TMEM108: variants seen among roughly 807,000 people sequenced by gnomAD.
TMEM108 encodes cancer/testis antigen 124.
Under a neutral mutation model 35.1 loss-of-function variants are expected in TMEM108, and 12 were observed. That is an observed-to-expected ratio of 0.34 (90% CI 0.22 to 0.55). The LOEUF (loss-of-function observed/expected upper bound fraction) is 0.55. Among genes scored for constraint, TMEM108 ranks in the 20% least tolerant of loss-of-function variants. TMEM108 has a pLI of 0.89. For missense variants in TMEM108, 680 were observed against 753.3 expected, an observed-to-expected ratio of 0.90 and a Z score of 1.14; for synonymous variants, 287 against 308.6, an observed-to-expected ratio of 0.93 and a Z score of 0.73.
intron 2 of TMEM108, among the ~76,000 whole-genome samples, chr3:133,127,358 G>A (rs961714383): frequency 6.6e-6 from 1 of 152,218 alleles, no homozygotes; most frequent in Non-Finnish European, 1.5e-5. Flanking sequence ...GGACAGCACA[G>A]AAAGGACTGC....
In TMEM108 at chr3:133,203,133, C is replaced by T. The variant is rs544156899; in HGVS notation, c.-46-26133C>T. The stretch of plus-strand genomic sequence containing the variant: ...TATAGGAATGCTTGTGATTTTTGCA[C>T]GTTGATTTTGTATCCTGAGACTTTG... On this transcript the variant is annotated intron_variant, in intron 2 of 5. Transcript: ENST00000321871. Among the ~76,000 whole-genome samples the T allele has an allele frequency of 3.3e-4, 50 of 152,226 alleles. No individual in the cohort carries two copies. The South Asian group carries it at 6.9e-3, about 21-fold the overall frequency.
intron 3 of TMEM108, among the ~76,000 whole-genome samples, chr3:133,342,992 G>A (rs1392122062): frequency 1.3e-5 from 2 of 151,712 alleles, no homozygotes; most frequent in East Asian, 3.9e-4. Flanking sequence ...ATTACACATT[G>A]TATACATGTA....
intron 2 of TMEM108, among the ~76,000 whole-genome samples, chr3:133,073,510 C>CTCTCTCTA: frequency 8.2e-4 from 36 of 43,904 alleles, no homozygotes; most frequent in African/African-American, 2.8e-3. Context: ...CTCTCTCTCT[C>CTCTCTCTA]TATATATATA....
At position 133,234,477 on chromosome 3, in the gene TMEM108, T is replaced by G. The variant is rs1303953334; in HGVS notation, c.40+5126T>G. On this transcript the variant is annotated intron_variant, in intron 3 of 5. Coordinates refer to ENST00000321871, the MANE Select transcript of TMEM108 (RefSeq NM_023943.4). ...ACATCAATAAATGTAATCCAGCATA[T>G]AAACAGAACCAAAGACAAAAACCAC... 5.3e-5 allele frequency among the ~76,000 whole-genome samples: 8 copies of G among 152,208 alleles called. No homozygotes were observed. The South Asian group carries it at 1.5e-3, about 28-fold the overall frequency.
intron 2 of TMEM108, among the ~76,000 whole-genome samples, chr3:133,149,126 A>G (rs1576345775): frequency 6.6e-6 from 1 of 152,324 alleles, no homozygotes; most frequent in East Asian, 1.9e-4. Flanking sequence ...AGAATGACCA[A>G]TAGGAGCTTA....
chr3:133,349,790 C>T (rs1197285), intron 3 of TMEM108, among the ~76,000 whole-genome samples: 24,637 of 151,856 alleles, frequency 0.16, 2,393 homozygotes, highest in East Asian at 0.38. Context: ...AAACAAGTGC[C>T]GGTGAGGATG....
At chr3:133,384,926 C>T (rs2073108595) in intron 4 of TMEM108, among the ~76,000 whole-genome samples, 2 of 152,164 alleles carry the variant, frequency 1.3e-5, no homozygotes, top group South Asian at 4.1e-4. Flanking sequence ...TCACCCTGGC[C>T]AAAGTGGAGT....
intron 2 of TMEM108, among the ~76,000 whole-genome samples, chr3:133,051,640 T>G (rs1943407458): frequency 6.6e-6 from 1 of 152,148 alleles, no homozygotes; most frequent in Non-Finnish European, 1.5e-5. Context: ...AGTTTTATAG[T>G]TTTGTCCTTT....
intron 3 of TMEM108, 107 bp from the exon 4 acceptor site, chr3:133,379,645 T>C (rs1202828322): frequency 3.6e-6 from 4 of 1,104,768 alleles, no homozygotes; most frequent in Non-Finnish European, 5.3e-6. Flanking sequence ...GGAATGCTCC[T>C]GACGTTTCCT....
chr3:133,167,394 C>T (rs999962589), intron 2 of TMEM108, among the ~76,000 whole-genome samples: 3 of 152,392 alleles, frequency 2.0e-5, no homozygotes, highest in African/African-American at 7.2e-5. Flanking sequence ...CCGCGCTGTG[C>T]GCCCGCACTC....
chr3:133,188,061 A>G (rs1476851394), intron 2 of TMEM108, among the ~76,000 whole-genome samples: 3 of 152,126 alleles, frequency 2.0e-5, no homozygotes, highest in African/African-American at 7.2e-5. Flanking sequence ...CTTGATTCTC[A>G]CACACCATTA....
In TMEM108 at chr3:133,175,657, G is replaced by T. The variant is rs1945207391; in HGVS notation, c.-46-53609G>T. Among the ~76,000 whole-genome samples, 6 of 152,280 alleles carry T rather than the reference G, an allele frequency of 3.9e-5. No individual in the cohort carries two copies. In the South Asian group the frequency reaches 1.2e-3, roughly 32 times the overall value. On this transcript the variant is annotated intron_variant, in intron 2 of 5. Transcript: ENST00000321871. ...TGTCACCACCAGGCCTGCCCTAAAA[G>T]AGCTCCTGAAGGAAGCACTAAACAT...
chr3:133,323,960 A>G (rs1376289423), intron 3 of TMEM108, among the ~76,000 whole-genome samples: 2 of 152,248 alleles, frequency 1.3e-5, no homozygotes, highest in Admixed American at 1.3e-4. Context: ...TGCTGGGATC[A>G]TTGGCAAGCC....
At chr3:133,166,524 A>G (rs1945040302) in intron 2 of TMEM108, among the ~76,000 whole-genome samples, 1 of 151,920 alleles carries the variant, frequency 6.6e-6, no homozygotes, top group Admixed American at 6.6e-5. Context: ...ACGTGTTCGG[A>G]GTTTCTTCCT....
chr3:133,069,563 T>A (rs539204237), intron 2 of TMEM108, among the ~76,000 whole-genome samples: 20 of 152,284 alleles, frequency 1.3e-4, no homozygotes, highest in Admixed American at 9.8e-4. Context: ...GTACAAGTCC[T>A]TTTATTTAAA....
chr3:133,192,577 A>G (rs1450049), intron 2 of TMEM108, among the ~76,000 whole-genome samples: 37,762 of 152,050 alleles, frequency 0.25, 4,958 homozygotes, highest in Middle Eastern at 0.38. Flanking sequence ...AGGAAAGTGG[A>G]ATGCCTAGGA....
At chr3:133,204,349 G>T (rs1271435292) in intron 2 of TMEM108, among the ~76,000 whole-genome samples, 2 of 151,522 alleles carry the variant, frequency 1.3e-5, no homozygotes, top group Non-Finnish European at 2.9e-5. Context: ...CTATCTTTTG[G>T]ATTTGTTTGC....
intron 3 of TMEM108, among the ~76,000 whole-genome samples, chr3:133,230,047 G>A (rs1403477362): frequency 1.3e-5 from 2 of 152,230 alleles, no homozygotes; most frequent in African/African-American, 2.4e-5. Flanking sequence ...TGGGTTTGAT[G>A]TTCCAGTTAA....
rs569427922 is a variant in TMEM108, at chr3:133,235,142, A to G, written c.40+5791A>G. 8.5e-5 allele frequency among the ~76,000 whole-genome samples: 13 copies of G among 152,330 alleles called. No homozygotes were observed. The South Asian group carries it at 2.3e-3, about 27-fold the overall frequency. ...GGAAGAACATTCCATGTTCATGGAT[A>G]GGAAGAATCAATGTCGTGAAAATGG... On this transcript the variant is annotated intron_variant, in intron 3 of 5. Transcript: ENST00000321871.
Sources: allele counts gnomAD v4.1 joint callset (sites outside exome capture counted in the v4.1 genomes callset), GRCh38; gene constraint gnomAD v4.1.1; transcripts MANE v1.5; gene names NCBI Gene and HGNC (gene_info 2026-07-23, HGNC 2026-07-21).